The following KLHL15 variants were observed in gnomAD, a reference collection of about 807,000 sequenced individuals.
The protein encoded by KLHL15 is kelch like family member 15.
KLHL15 carries 1 observed loss-of-function variant against 29.3 expected under a neutral mutation model. That is an observed-to-expected ratio of 0.03 (90% CI 0.01 to 0.16). The LOEUF (loss-of-function observed/expected upper bound fraction) is 0.16, where lower values mean the gene tolerates loss of function less well. Among genes scored for constraint, KLHL15 ranks in the 10% least tolerant of loss-of-function variants. KLHL15 has a pLI of 1.00. For synonymous variants in KLHL15, 212 were observed against 184.5 expected (o/e 1.15, Z -1.21); for missense variants, 215 against 478.5 (o/e 0.45, Z 5.14).
chrX:23,995,302 G>A (rs1310774719), intron 3 of KLHL15, among the ~76,000 whole-genome samples: 1 of 108,039 alleles, frequency 9.3e-6, no homozygotes, highest in African/African-American at 3.4e-5. Flanking sequence ...AGTTACTCGG[G>A]AGGCTGAGGC....
In KLHL15 at chrX:23,995,324, T is replaced by C. The variant is rs185049930; in HGVS notation, c.706-6294A>G. 1.6e-3 allele frequency among the ~76,000 whole-genome samples: 165 copies of C among 106,116 alleles called. 2 individuals carry two copies. The highest frequency in any genetic ancestry group is 0.015 in the Admixed American group (147 of 9,654). 92.1% of individuals were successfully genotyped at this position (106,116 alleles called of 115,157 possible). On this transcript the variant is annotated intron_variant, in intron 3 of 3. Transcript: ENST00000328046. ...CGGGAGGCTGAGGCAGGAGAATTGC[T>C]TGAACCCGGAAGGTGGAGGTTGTGG...
At chrX:23,996,357 G>A (rs1027903356) in intron 3 of KLHL15, among the ~76,000 whole-genome samples, 1 of 112,140 alleles carries the variant, frequency 8.9e-6, no homozygotes, top group Non-Finnish European at 1.9e-5. Flanking sequence ...CTATCGTGGT[G>A]CTTTAATGCT....
chrX:24,018,225 C>T (rs1048432438), intron 2 of KLHL15, among the ~76,000 whole-genome samples: 1 of 111,676 alleles, frequency 9.0e-6, no homozygotes, highest in Non-Finnish European at 1.9e-5. Flanking sequence ...AGTGCGTAGC[C>T]CCACTCTCCC....
intron 3 of KLHL15, among the ~76,000 whole-genome samples, chrX:24,001,961 G>A (rs939837706): frequency 3.8e-5 from 4 of 106,135 alleles, no homozygotes; most frequent in Non-Finnish European, 7.7e-5. Flanking sequence ...GTGAAACCCC[G>A]TCTCTACTAA....
chrX:24,004,368 AAAAAC>A (rs1185582604), intron 3 of KLHL15, among the ~76,000 whole-genome samples: 1 of 111,779 alleles, frequency 8.9e-6, no homozygotes, highest in Non-Finnish European at 1.9e-5. Context: ...CAAAACAAAC[AAAAAC>A]AAAACAAAAC....
At chrX:24,009,265 G>A (rs1929523531) in intron 2 of KLHL15, among the ~76,000 whole-genome samples, 1 of 111,124 alleles carries the variant, frequency 9.0e-6, no homozygotes, top group Admixed American at 9.6e-5. Flanking sequence ...GGGAGGCCGA[G>A]ATGGGTGGAT....
Position 24,009,239 on chromosome X carries a change from G to C in KLHL15, c.-7-2539C>G, listed in dbSNP as rs995712991. 1.1e-4 allele frequency among the ~76,000 whole-genome samples: 12 copies of C among 111,384 alleles called. 1 individual carries two copies. Among genetic ancestry groups the C allele is most frequent in the Non-Finnish European group, 2.3e-4 (12 of 53,083 alleles). ...AGGCCGGGCGTGGTGGCTCATGCCT[G>C]TAATCCCAACACTTTGGGAGGCCGA... On this transcript the variant is annotated intron_variant, in intron 2 of 3. Coordinates refer to ENST00000328046, the MANE Select transcript of KLHL15 (RefSeq NM_030624.3).
At chrX:24,010,516 G>T (rs1419161124) in intron 2 of KLHL15, among the ~76,000 whole-genome samples, 1 of 112,601 alleles carries the variant, frequency 8.9e-6, no homozygotes, top group African/African-American at 3.2e-5. Flanking sequence ...ACTAAGGACA[G>T]CAGATATGGA....
intron 2 of KLHL15, among the ~76,000 whole-genome samples, chrX:24,019,796 A>C (rs960914420): frequency 8.9e-6 from 1 of 112,124 alleles, no homozygotes; most frequent in South Asian, 3.7e-4. Context: ...GTGGGGGTAA[A>C]ACTGGACAGG....
chrX:23,987,882 A>AG lies in KLHL15; in HGVS notation c.*38_*39insC, dbSNP rs753681944. On this transcript the variant is annotated 3_prime_UTR_variant, in exon 4 of 4. Coordinates refer to ENST00000328046, the MANE Select transcript of KLHL15 (RefSeq NM_030624.3). ...TTAATTAATTACTCTGTGCAAACAA[A>AG]TACTTTGTTTGCCTCTTTTTTTAGG... 81 of 1,138,534 alleles carry AG rather than the reference A, an allele frequency of 7.1e-5. No homozygotes were observed. The highest frequency in any genetic ancestry group is 9.5e-5 in the Non-Finnish European group (81 of 851,601). 93.8% of individuals were successfully genotyped at this position (1,138,534 alleles called of 1,213,427 possible).
At chrX:23,996,788 T>C (rs1929199456) in intron 3 of KLHL15, among the ~76,000 whole-genome samples, 1 of 112,287 alleles carries the variant, frequency 8.9e-6, no homozygotes, top group Non-Finnish European at 1.9e-5. Context: ...ATGAGAAGTC[T>C]TTATTTGTAA....
intron 2 of KLHL15, among the ~76,000 whole-genome samples, chrX:24,016,379 A>G (rs1378985386): frequency 1.1e-5 from 1 of 91,600 alleles, no homozygotes; most frequent in Non-Finnish European, 2.1e-5. Context: ...GGGGGGGTAT[A>G]CTTGGCCAGG....
intron 2 of KLHL15, among the ~76,000 whole-genome samples, chrX:24,010,680 G>A (rs1259859365): frequency 8.9e-6 from 1 of 111,775 alleles, no homozygotes; most frequent in Non-Finnish European, 1.9e-5. Context: ...CTACGGCTCT[G>A]AATTTCCACC....
chrX:23,999,594 CAAAAA>C (rs57473929), intron 3 of KLHL15, among the ~76,000 whole-genome samples: 3 of 55,437 alleles, frequency 5.4e-5, no homozygotes, highest in Middle Eastern at 9.4e-3. Context: ...GACTCCGTCT[CAAAAA>C]AAAAAAAAAA....
At chrX:24,007,504 A>ATATATATATAT (rs1555976994) in intron 2 of KLHL15, among the ~76,000 whole-genome samples, 1 of 54,978 alleles carries the variant, frequency 1.8e-5, no homozygotes, top group African/African-American at 9.2e-5. Context: ...AAAAAAAAAA[A>ATATATATATAT]AAAAATATAT....
intron 2 of KLHL15, among the ~76,000 whole-genome samples, chrX:24,023,711 G>C (rs1162312767): frequency 1.8e-5 from 2 of 112,201 alleles, no homozygotes; most frequent in African/African-American, 6.5e-5. Context: ...AAGAGTGCAA[G>C]TTAACATCCT....
intron 2 of KLHL15, among the ~76,000 whole-genome samples, chrX:24,017,864 T>C (rs1280113001): frequency 9.1e-6 from 1 of 110,281 alleles, no homozygotes; most frequent in Non-Finnish European, 1.9e-5. Flanking sequence ...TCCCAACATT[T>C]TGGGAGGCAA....
intron 3 of KLHL15, among the ~76,000 whole-genome samples, chrX:23,995,222 C>G (rs1312002551): frequency 9.0e-6 from 1 of 110,693 alleles, no homozygotes; most frequent in Non-Finnish European, 1.9e-5. Context: ...AATGTTATAT[C>G]ATAGTGAAAC....
At chrX:24,022,638 T>TA (rs1929834374) in intron 2 of KLHL15, among the ~76,000 whole-genome samples, 1 of 78,113 alleles carries the variant, frequency 1.3e-5, no homozygotes, top group African/African-American at 6.3e-5. Flanking sequence ...GACTCTTGTC[T>TA]TAAAAAAAAA....
Sources: allele counts gnomAD v4.1 joint callset (sites outside exome capture counted in the v4.1 genomes callset), GRCh38; gene constraint gnomAD v4.1.1; transcripts MANE v1.5; gene names NCBI Gene and HGNC (gene_info 2026-07-23, HGNC 2026-07-21).